Variants in HLA-DRA observed in about 807,000 individuals in gnomAD.
HLA-DRA encodes HLA class II histocompatibility antigen, DR alpha chain.
A neutral mutation model predicts 22.1 loss-of-function variants in HLA-DRA; 8 were observed. That is an observed-to-expected ratio of 0.36 (90% confidence interval 0.21 to 0.65). The LOEUF is 0.65. HLA-DRA is among the 30% of genes least tolerant of loss of function. HLA-DRA has a pLI of 0.63. For synonymous variants in HLA-DRA, 101 were observed against 117.1 expected (o/e 0.86, Z 0.89); for missense variants, 248 against 321.3 (o/e 0.77, Z 1.74).
In HLA-DRA at chr6:32,442,626, C is replaced by T. The variant is rs1452782156; in HGVS notation, c.261C>T (p.Asn87=). 6.2e-7 allele frequency: 1 copy of T among 1,613,104 alleles called. No homozygotes were observed. ...ASFEAQGALA[N]IAVDKANLEI... is the part of the protein sequence containing the mutation. ...TTGAGGCTCAAGGTGCATTGGCCAA[C>T]ATAGCTGTGGACAAAGCCAACCTGG... The change falls in exon 2 of 5, where the codon AAC becomes AAT. Residue 87 remains asparagine (N), a synonymous_variant. Transcript: ENST00000395388.
intron 1 of HLA-DRA, among the ~76,000 whole-genome samples, chr6:32,440,623 T>C (rs1762558774): frequency 6.6e-6 from 1 of 152,240 alleles, no homozygotes; most frequent in East Asian, 1.9e-4. Flanking sequence ...AGTTGCCTCA[T>C]GGGACAGTGA....
At chr6:32,441,456 A>G (rs1462434607) in intron 1 of HLA-DRA, among the ~76,000 whole-genome samples, 3 of 152,242 alleles carry the variant, frequency 2.0e-5, no homozygotes, top group Non-Finnish European at 4.4e-5. Flanking sequence ...CAGAGGCAGC[A>G]TACTCTCCCA....
rs1762682523 is a variant in HLA-DRA, at chr6:32,442,504, T to C, written c.139T>C (p.Phe47Leu). 6.2e-7 allele frequency: 1 copy of C among 1,612,758 alleles called. No individual in the cohort carries two copies. The highest frequency in any genetic ancestry group is 8.5e-7 in the Non-Finnish European group (1 of 1,179,958). ...TCTGAATCCTGACCAATCAGGCGAG[T>C]TTATGTTTGACTTTGATGGTGATGA... Reference protein sequence around the residue: ...FYLNPDQSGEFMFDFDGDEIF... With the variant: ...FYLNPDQSGELMFDFDGDEIF... Residue 47 changes from phenylalanine (F) to leucine (L), a missense_variant, in exon 2 of 5, where the codon TTT becomes CTT. By Grantham distance (22) the Phe-to-Leu change is conservative (BLOSUM62 0). Transcript: ENST00000395388.
Position 32,443,908 on chromosome 6 carries a change from T to A in HLA-DRA, c.763T>A (p.Ter255LysextTer5). ...TGCAGCAGAACGCAGGGGGCCTCTG[T>A]AAGGCACATGGAGGTGAGTTAGGTG... ...SNAAERRGPL[*>K] Residue 255 changes from the stop codon to lysine (K), a stop_lost, in exon 4 of 5, where the codon TAA (stop) becomes AAA (lysine). Coordinates refer to ENST00000395388, the MANE Select transcript of HLA-DRA (RefSeq NM_019111.5). 1 of 1,593,248 alleles carries A rather than the reference T, an allele frequency of 6.3e-7. No homozygotes were observed. The highest frequency in any genetic ancestry group is 8.5e-7 in the Non-Finnish European group (1 of 1,170,834).
Position 32,444,817 on chromosome 6 carries a change from A to C in HLA-DRA, c.*177A>C, listed in dbSNP as rs976725617. The C allele has an allele frequency of 2.0e-5, 3 of 153,600 alleles. No homozygotes were observed. The highest frequency in any genetic ancestry group is 7.2e-5 in the African/African-American group (3 of 41,420). 9.5% of individuals were successfully genotyped at this position (153,600 alleles called of 1,614,324 possible). A position where few individuals can be genotyped will look rare whatever the true frequency, so the allele number is the denominator to read the frequency against. ...GGATATGCCTCTTCGATTGCTCCGTACTCTAACATCTAGCTGGCTTCCCTG... is the reference window on the plus strand; with the variant it reads ...GGATATGCCTCTTCGATTGCTCCGTCCTCTAACATCTAGCTGGCTTCCCTG... On this transcript the variant is annotated 3_prime_UTR_variant, in exon 5 of 5. Coordinates refer to ENST00000395388, the MANE Select transcript of HLA-DRA (RefSeq NM_019111.5).
rs1316760447 is a variant in HLA-DRA, at chr6:32,442,690, A to G, written c.325A>G (p.Asn109Asp). Reference protein sequence around the residue: ...TKRSNYTPITNVPPEVTVLTN... With the variant: ...TKRSNYTPITDVPPEVTVLTN... ...GCGCTCCAACTATACTCCGATCACC[A>G]ATGGTACCTCCCTCTCTGCTGCACT... Residue 109 changes from asparagine (N) to aspartate (D), a missense_variant, in exon 2 of 5, where the codon AAT becomes GAT. Asn to Asp is a conservative substitution (Grantham distance 23, BLOSUM62 1). Coordinates refer to ENST00000395388, the MANE Select transcript of HLA-DRA (RefSeq NM_019111.5). 1.2e-6 allele frequency: 2 copies of G among 1,612,946 alleles called. No individual in the cohort carries two copies. The highest frequency in any genetic ancestry group is 3.3e-5 in the Admixed American group (2 of 60,024).
chr6:32,443,116 A>G lies in HLA-DRA; in HGVS notation c.329-69A>G. 2.2e-6 allele frequency: 3 copies of G among 1,365,526 alleles called. No homozygotes were observed. In the South Asian group the frequency reaches 3.7e-5, roughly 17 times the overall value. 84.6% of individuals were successfully genotyped at this position (1,365,526 alleles called of 1,614,324 possible). ...AGATACGTTTGTACCACAATTGAGC[A>G]TGGGAGGGAGAGGGGTGAGCCTAAG... is the stretch of plus-strand genomic sequence containing the variant. On this transcript the variant is annotated intron_variant, in intron 2 of 4. Transcript: ENST00000395388.
intron 1 of HLA-DRA, among the ~76,000 whole-genome samples, chr6:32,442,079 C>T (rs888671260): frequency 1.3e-5 from 2 of 152,100 alleles, no homozygotes; most frequent in South Asian, 2.1e-4. Flanking sequence ...ATTTAATGCC[C>T]GGGTAAAGAA....
At chr6:32,443,977 C>A in intron 4 of HLA-DRA, 56 bp downstream of exon 4, 1 of 1,309,232 alleles carries the variant, frequency 7.6e-7, no homozygotes, top group Non-Finnish European at 1.0e-6. Context: ...GGGAGGAAAA[C>A]AGGGTGGGGA....
chr6:32,441,146 C>A (rs1326369624), intron 1 of HLA-DRA, among the ~76,000 whole-genome samples: 2 of 152,188 alleles, frequency 1.3e-5, no homozygotes, highest in Non-Finnish European at 2.9e-5. Flanking sequence ...ATCATGAGGT[C>A]AAGAGATCGA....
chr6:32,441,931 C>T (rs17496549), intron 1 of HLA-DRA, among the ~76,000 whole-genome samples: 15,608 of 152,178 alleles, frequency 0.1, 914 homozygotes, highest in Non-Finnish European at 0.11. Flanking sequence ...TGCTCAGGAT[C>T]ACTAGGTAAG....
At position 32,442,503 on chromosome 6, in the gene HLA-DRA, G is replaced by A; in HGVS notation, c.138G>A (p.Glu46=). The A allele has an allele frequency of 6.2e-7, 1 of 1,613,040 alleles. No homozygotes were observed. The highest frequency in any genetic ancestry group is 1.3e-5 in the African/African-American group (1 of 75,032). ...ATCTGAATCCTGACCAATCAGGCGA[G>A]TTTATGTTTGACTTTGATGGTGATG... ...EFYLNPDQSG[E]FMFDFDGDEI... Residue 46 remains glutamate (E), a synonymous_variant, in exon 2 of 5, where the codon GAG becomes GAA. Coordinates refer to ENST00000395388, the MANE Select transcript of HLA-DRA (RefSeq NM_019111.5).
chr6:32,441,277 G>A (rs1762598575), intron 1 of HLA-DRA, among the ~76,000 whole-genome samples: 1 of 152,216 alleles, frequency 6.6e-6, no homozygotes, highest in African/African-American at 2.4e-5. Flanking sequence ...AGGATTGCTT[G>A]AACTCGGGAG....
chr6:32,440,828 C>A (rs113897844), intron 1 of HLA-DRA, among the ~76,000 whole-genome samples: 2 of 152,298 alleles, frequency 1.3e-5, no homozygotes, highest in Admixed American at 6.5e-5. Context: ...GCGTGACCCC[C>A]ACAGAAGGTG....
intron 1 of HLA-DRA, 152 bp downstream of exon 1, chr6:32,440,184 T>TG: frequency 2.6e-6 from 2 of 769,666 alleles, no homozygotes; most frequent in East Asian, 5.4e-5. Context: ...TGTGGTTTGG[T>TG]GGAGTTCTTC....
rs1230081959 is a variant in HLA-DRA at position 32,443,801 on chromosome 6, T to C, written c.656T>C (p.Val219Ala). Residue 219 changes from valine (V) to alanine (A), a missense_variant, in exon 4 of 5, where the codon GTG becomes GCG. Transcript: ENST00000395388. ...CTCCCAGAGACTACAGAGAACGTGG[T>C]GTGTGCCCTGGGCCTGACTGTGGGT... The part of the protein sequence containing the change: ...SPLPETTENV[V>A]CALGLTVGLV... 6.2e-7 allele frequency: 1 copy of C among 1,611,700 alleles called. No individual in the cohort carries two copies. Among genetic ancestry groups the C allele is most frequent in the South Asian group, 1.1e-5 (1 of 90,804 alleles).
chr6:32,444,540 A>C (rs1278537959), intron 4 of HLA-DRA, 112 bp from the exon 5 acceptor site: 1 of 152,218 alleles, frequency 6.6e-6, no homozygotes, highest in Non-Finnish European at 1.5e-5. Flanking sequence ...TTAGATGAAC[A>C]TTGAAAGAAT....
chr6:32,441,553 A>T (rs998515709), intron 1 of HLA-DRA, among the ~76,000 whole-genome samples: 1 of 152,244 alleles, frequency 6.6e-6, no homozygotes, highest in Admixed American at 6.5e-5. Context: ...CCATAATAAC[A>T]GTCCCAATTT....
At position 32,442,693 on chromosome 6, in the gene HLA-DRA, G is replaced by A; in HGVS notation, c.328G>A (p.Val110Ile). The change falls in exon 2 of 5, where the codon GTA (valine) becomes ATA (isoleucine). Residue 110 changes from valine to isoleucine, a missense_variant and splice_region_variant. Transcript: ENST00000395388. The stretch of plus-strand genomic sequence containing the variant: ...CTCCAACTATACTCCGATCACCAAT[G>A]GTACCTCCCTCTCTGCTGCACTCCT... ...KRSNYTPITNVPPEVTVLTNS... is the reference protein window; with the variant it reads ...KRSNYTPITNIPPEVTVLTNS... 6.2e-7 allele frequency: 1 copy of A among 1,612,836 alleles called. No homozygotes were observed. Among genetic ancestry groups the A allele is most frequent in the Non-Finnish European group, 8.5e-7 (1 of 1,179,856 alleles).
Sources: gnomAD v4.1 joint callset for allele counts (sites outside exome capture counted in the v4.1 genomes callset) on GRCh38, gnomAD v4.1.1 for gene constraint, MANE v1.5 for transcripts, NCBI Gene and HGNC (gene_info 2026-07-23, HGNC 2026-07-21) for gene names.